The following RALY variants were observed in gnomAD, a reference collection of about 807,000 sequenced individuals.
The protein encoded by RALY is RNA-binding protein Raly.
RALY carries 15 observed loss-of-function variants against 30.7 expected under a neutral mutation model. The ratio of observed to expected loss-of-function variants is 0.49; its 90% confidence interval spans 0.33 to 0.75. The LOEUF (loss-of-function observed/expected upper bound fraction) is 0.75, where lower values mean the gene tolerates loss of function less well. Among genes scored for constraint, RALY ranks in the 30% least tolerant of loss-of-function variants. The pLI, the probability that RALY is intolerant of heterozygous loss-of-function variation, is 0.02. For missense variants in RALY, 339 were observed against 414.3 expected (o/e 0.82, Z 1.58); for synonymous variants, 177 against 170.8 (o/e 1.04, Z -0.28).
In RALY at chr20:34,082,576, C is replaced by T. The variant is rs1249565234; in HGVS notation, c.*2671C>T. The T allele has an allele frequency of 1.3e-5, 2 of 152,244 alleles. No individual in the cohort carries two copies. The highest frequency in any genetic ancestry group is 2.9e-5 in the Non-Finnish European group (2 of 68,072). 9.4% of individuals were successfully genotyped at this position (152,244 alleles called of 1,614,324 possible). A position where few individuals can be genotyped will look rare whatever the true frequency, so the allele number is the denominator to read the frequency against. On this transcript the variant is annotated 3_prime_UTR_variant, in exon 10 of 10. Coordinates refer to ENST00000246194, the MANE Select transcript of RALY (RefSeq NM_016732.3). The stretch of plus-strand genomic sequence containing the variant: ...TCAAGGGTAGCAGGCATCAGCTCTA[C>T]TCACCTTGGCCCATAAGGCTTTGCC...
chr20:34,067,285 T>C (rs1293646828), intron 2 of RALY, among the ~76,000 whole-genome samples: 1 of 152,128 alleles, frequency 6.6e-6, no homozygotes, highest in Admixed American at 6.5e-5. Flanking sequence ...TGCCTCAGCC[T>C]CCCAAGTAGC....
chr20:33,999,956 A>AT (rs2122967486), intron 1 of RALY, among the ~76,000 whole-genome samples: 1 of 152,226 alleles, frequency 6.6e-6, no homozygotes, highest in East Asian at 1.9e-4. Flanking sequence ...TTTAGATAAT[A>AT]TATCTCTAGG....
At chr20:33,999,641 C>T (rs958208861) in intron 1 of RALY, among the ~76,000 whole-genome samples, 6 of 152,152 alleles carry the variant, frequency 3.9e-5, no homozygotes, top group African/African-American at 1.4e-4. Flanking sequence ...TTACTCTCTG[C>T]TAGGCACTGG....
chr20:34,020,875 T>C lies in RALY; in HGVS notation c.-92-10647T>C, dbSNP rs1298874888. Among the ~76,000 whole-genome samples the C allele has an allele frequency of 2.6e-5, 4 of 152,286 alleles. No individual in the cohort carries two copies. The East Asian group carries it at 7.7e-4, about 29-fold the overall frequency. ...CAGGTGTTTGAAGAAGGGACATGATTTAGTAGAGAACACCTGTCCTACCTA... is the reference window on the plus strand; with the variant it reads ...CAGGTGTTTGAAGAAGGGACATGATCTAGTAGAGAACACCTGTCCTACCTA... On this transcript the variant is annotated intron_variant, in intron 1 of 9. Coordinates refer to ENST00000246194, the MANE Select transcript of RALY (RefSeq NM_016732.3).
chr20:34,078,567 G>T lies in RALY; in HGVS notation c.*4+14G>T. ...TGCAGTAAGCAGGTACAGGGGTCCT[G>T]TCCTGATGGGCAGAGGGTGGGGAAT... On this transcript the variant is annotated intron_variant, in intron 9 of 9. Transcript: ENST00000246194. 1 of 1,551,712 alleles carries T rather than the reference G, an allele frequency of 6.4e-7. No homozygotes were observed. Among genetic ancestry groups the T allele is most frequent in the Non-Finnish European group, 8.7e-7 (1 of 1,149,764 alleles).
chr20:34,078,480 G>T (rs2033955994), intron 8 of RALY, 25 bp from the exon 9 acceptor site: 4 of 1,551,406 alleles, frequency 2.6e-6, no homozygotes, highest in African/African-American at 2.8e-5. Context: ...GTGATGTGTG[G>T]TCTCTCTTAC....
chr20:34,063,443 G>A (rs1311294130), intron 2 of RALY, among the ~76,000 whole-genome samples: 1 of 152,182 alleles, frequency 6.6e-6, no homozygotes, highest in Non-Finnish European at 1.5e-5. Context: ...TAATGTGACT[G>A]TAGACAAATT....
intron 1 of RALY, among the ~76,000 whole-genome samples, chr20:34,013,230 A>AAAAC (rs776083986): frequency 2.0e-5 from 3 of 151,864 alleles, no homozygotes; most frequent in African/African-American, 4.8e-5. Flanking sequence ...TCTCTTTTTT[A>AAAAC]AAACAAACAA....
intron 1 of RALY, among the ~76,000 whole-genome samples, chr20:34,010,659 T>C (rs2031360280): frequency 6.6e-6 from 1 of 152,184 alleles, no homozygotes; most frequent in Non-Finnish European, 1.5e-5. Flanking sequence ...CTGATCCTGA[T>C]TTTCCAGATA....
intron 9 of RALY, 137 bp downstream of exon 9, chr20:34,078,690 C>T: frequency 2.7e-6 from 2 of 740,718 alleles, no homozygotes; most frequent in Non-Finnish European, 3.9e-6. Context: ...GAATGAAGTC[C>T]CCTCCATATC....
chr20:34,051,621 A>T (rs995128679), intron 2 of RALY, among the ~76,000 whole-genome samples: 9 of 152,014 alleles, frequency 5.9e-5, no homozygotes, highest in Admixed American at 1.3e-4. Context: ...TTTGAGACAG[A>T]GTCTCGCTCT....
Position 34,077,032 on chromosome 20 carries a change from C to T in RALY, c.663C>T (p.Gly221=), listed in dbSNP as rs963783274. The change falls in exon 8 of 10, where the codon GGC becomes GGT. Residue 221 remains glycine (G), a synonymous_variant. Coordinates refer to ENST00000246194, the MANE Select transcript of RALY (RefSeq NM_016732.3). The part of the protein sequence containing the change: ...IAAEQKANPD[G]KKKGDGGGAG... ...CCTCCACCCCTTCCCCTCAAGATGGCAAGAAGAAGGGTGATGGAGGTGGCG... is the reference window on the plus strand; with the variant it reads ...CCTCCACCCCTTCCCCTCAAGATGGTAAGAAGAAGGGTGATGGAGGTGGCG... The T allele has an allele frequency of 4.4e-6, 7 of 1,608,114 alleles. No homozygotes were observed. The highest frequency in any genetic ancestry group is 2.2e-5 in the South Asian group (2 of 90,454).
At chr20:34,047,902 C>T (rs575298921) in intron 2 of RALY, among the ~76,000 whole-genome samples, 36 of 152,280 alleles carry the variant, frequency 2.4e-4, no homozygotes, top group African/African-American at 7.5e-4. Flanking sequence ...AACCCCCAAC[C>T]CCACCTTTGC....
At chr20:34,068,029 G>A (rs879582141) in intron 2 of RALY, among the ~76,000 whole-genome samples, 5 of 152,044 alleles carry the variant, frequency 3.3e-5, no homozygotes, top group Non-Finnish European at 7.4e-5. Context: ...GTTCTTCCGA[G>A]TAAGAGCATT....
chr20:34,053,657 A>G (rs1194995889), intron 2 of RALY, among the ~76,000 whole-genome samples: 1 of 152,170 alleles, frequency 6.6e-6, no homozygotes, highest in East Asian at 1.9e-4. Flanking sequence ...TTGGCCTCCC[A>G]AAGTATTAGG....
intron 2 of RALY, among the ~76,000 whole-genome samples, chr20:34,040,386 G>A (rs940922084): frequency 1.3e-5 from 2 of 152,130 alleles, no homozygotes; most frequent in Admixed American, 6.6e-5. Flanking sequence ...CCTGTGGCAC[G>A]TGTCAATAAC....
chr20:34,075,859 C>T lies in RALY; in HGVS notation c.378-15C>T, dbSNP rs374002626. On this transcript the variant is annotated splice_polypyrimidine_tract_variant and intron_variant, in intron 5 of 9. Transcript: ENST00000246194. ...ACAAGCCATGCTGCAGCCTCTGGCC[C>T]ATCTGCCCTCACAGGCTCTTCGACT... The T allele has an allele frequency of 6.2e-7, 1 of 1,608,182 alleles. No individual in the cohort carries two copies. Among genetic ancestry groups the T allele is most frequent in the Non-Finnish European group, 8.5e-7 (1 of 1,175,940 alleles).
At chr20:33,998,224 C>T (rs1023618691) in intron 1 of RALY, among the ~76,000 whole-genome samples, 2 of 152,190 alleles carry the variant, frequency 1.3e-5, no homozygotes, top group African/African-American at 2.4e-5. Context: ...AGTGTTGTCA[C>T]AGGGACAGAC....
At chr20:34,076,930 C>A in intron 7 of RALY, 98 bp from the exon 8 acceptor site, 1 of 1,598,276 alleles carries the variant, frequency 6.3e-7, no homozygotes, top group Non-Finnish European at 8.5e-7. Context: ...GGACCACCTG[C>A]ACTCACCATG....
Sources: allele counts gnomAD v4.1 joint callset (sites outside exome capture counted in the v4.1 genomes callset), GRCh38; gene constraint gnomAD v4.1.1; transcripts MANE v1.5; gene names NCBI Gene and HGNC (gene_info 2026-07-23, HGNC 2026-07-21).